Variants in KCNC1 observed in about 807,000 individuals in gnomAD.
KCNC1 encodes the protein voltage-gated potassium channel KCNC1.
KCNC1 carries 8 observed loss-of-function variants against 43.4 expected under a neutral mutation model. That is an observed-to-expected ratio of 0.18 (90% confidence interval 0.11 to 0.33). KCNC1 has a LOEUF of 0.33. Among genes scored for constraint, KCNC1 ranks in the 10% least tolerant of loss-of-function variants. The pLI, the probability that KCNC1 is intolerant of heterozygous loss-of-function variation, is 1.00. For synonymous variants in KCNC1, 361 were observed against 360.5 expected (o/e 1.00, Z -0.01); for missense variants, 420 against 836.0 (o/e 0.50, Z 6.14).
At chr11:17,738,736 GA>G (rs1848799111) in intron 1 of KCNC1, among the ~76,000 whole-genome samples, 1 of 152,176 alleles carries the variant, frequency 6.6e-6, no homozygotes, top group Non-Finnish European at 1.5e-5. Context: ...GAAAAGTCTT[GA>G]AAAAAATCTC....
intron 1 of KCNC1, among the ~76,000 whole-genome samples, chr11:17,750,531 A>T (rs1848955538): frequency 6.6e-6 from 1 of 152,136 alleles, no homozygotes; most frequent in Non-Finnish European, 1.5e-5. Context: ...AAAGCCTGGA[A>T]TGTAGGAATC....
chr11:17,773,431 T>G lies in KCNC1; in HGVS notation c.1504+833T>G. On this transcript the variant is annotated intron_variant, in intron 2 of 3. Transcript: ENST00000265969. This position sits in a 1 kb window ranked among gnomAD's most constrained non-coding sequence, Gnocchi z 4.1. The stretch of plus-strand genomic sequence containing the variant: ...GGGCCACCACCCTGGGCAGCTTAGA[T>G]GAAAGCGCTACAGACCAGCAACAGC... 1.0e-6 allele frequency: 1 copy of G among 984,870 alleles called. No individual in the cohort carries two copies. Among genetic ancestry groups the G allele is most frequent in the Non-Finnish European group, 1.2e-6 (1 of 829,856 alleles). 61.0% of individuals were successfully genotyped at this position (984,870 alleles called of 1,614,324 possible).
chr11:17,763,673 C>T (rs1849107307), intron 1 of KCNC1, among the ~76,000 whole-genome samples: 1 of 114,110 alleles, frequency 8.8e-6, no homozygotes, highest in Non-Finnish European at 1.7e-5. Flanking sequence ...AACACACAGA[C>T]CCCCACACAT....
In KCNC1 at chr11:17,744,181, G is replaced by A. The variant is rs138020801; in HGVS notation, c.570+7609G>A. Among the ~76,000 whole-genome samples, 24 of 152,272 alleles carry A rather than the reference G, an allele frequency of 1.6e-4. No individual in the cohort carries two copies. The East Asian group carries it at 4.5e-3, about 28-fold the overall frequency. ...GTTTTTCCACCTGTAAAATACAGAG[G>A]TCGTGCTAACTGACGGCTAAGGCTC... is the stretch of plus-strand genomic sequence containing the variant. On this transcript the variant is annotated intron_variant, in intron 1 of 3. Coordinates refer to ENST00000265969, the MANE Select transcript of KCNC1 (RefSeq NM_001112741.2).
At chr11:17,751,863 G>A (rs1054470160) in intron 1 of KCNC1, among the ~76,000 whole-genome samples, 21 of 152,168 alleles carry the variant, frequency 1.4e-4, no homozygotes, top group Admixed American at 9.8e-4. Flanking sequence ...AGTCTGCTCC[G>A]GAGTAGGGAG....
At chr11:17,755,939 G>A (rs918055764) in intron 1 of KCNC1, among the ~76,000 whole-genome samples, 11 of 152,132 alleles carry the variant, frequency 7.2e-5, no homozygotes, top group African/African-American at 2.4e-4. Flanking sequence ...AGGGTGCCCC[G>A]ATAGAGACTG....
intron 1 of KCNC1, among the ~76,000 whole-genome samples, chr11:17,752,718 C>G (rs1051527207): frequency 3.7e-4 from 56 of 152,230 alleles, no homozygotes; most frequent in Non-Finnish European, 8.8e-5. Context: ...CCATGGACAA[C>G]TTAACCTCTC....
At chr11:17,747,202 G>A (rs1322782568) in intron 1 of KCNC1, among the ~76,000 whole-genome samples, 1 of 152,136 alleles carries the variant, frequency 6.6e-6, no homozygotes, top group Non-Finnish European at 1.5e-5. Context: ...GGCAGGCATG[G>A]ATTCTTGCTT....
chr11:17,769,740 C>T (rs1282128319), intron 1 of KCNC1, among the ~76,000 whole-genome samples: 1 of 151,766 alleles, frequency 6.6e-6, no homozygotes, highest in Non-Finnish European at 1.5e-5. Flanking sequence ...GAAGGAGGGA[C>T]AGATGGATGG....
Position 17,776,001 on chromosome 11 carries a change from C to T in KCNC1, c.1504+3403C>T. 1 of 985,400 alleles carries T rather than the reference C, an allele frequency of 1.0e-6. No homozygotes were observed. The highest frequency in any genetic ancestry group is 1.2e-6 in the Non-Finnish European group (1 of 829,930). 61.0% of individuals were successfully genotyped at this position (985,400 alleles called of 1,614,324 possible). On this transcript the variant is annotated intron_variant, in intron 2 of 3. Coordinates refer to ENST00000265969, the MANE Select transcript of KCNC1 (RefSeq NM_001112741.2). This position sits in a 1 kb window ranked among gnomAD's most constrained non-coding sequence, Gnocchi z 4.4. Reference sequence around the variant, plus strand: ...TCCATGGAGGGGGGAGGGAGCTGGGCAGCGCTGACTAGGCGGCGGGTGGGG... The same window carrying T: ...TCCATGGAGGGGGGAGGGAGCTGGGTAGCGCTGACTAGGCGGCGGGTGGGG...
chr11:17,750,820 C>T (rs16934703), intron 1 of KCNC1, among the ~76,000 whole-genome samples: 8,491 of 152,200 alleles, frequency 0.056, 685 homozygotes, highest in African/African-American at 0.18. Context: ...GAGCCTTTCC[C>T]GACACCCTCT....
chr11:17,774,730 TA>T (rs1849266392), intron 2 of KCNC1: 1 of 985,206 alleles, frequency 1.0e-6, no homozygotes, highest in African/African-American at 1.7e-5. Flanking sequence ...GCTGAGGAAG[TA>T]TTTGGGGCCC....
chr11:17,772,669 C>G (rs1849243817), intron 2 of KCNC1, 71 bp downstream of exon 2: 1 of 1,562,964 alleles, frequency 6.4e-7, no homozygotes, highest in South Asian at 1.2e-5. Flanking sequence ...ATTCCAGATC[C>G]AGTCAGACTG....
chr11:17,774,064 C>T (rs1849259785), intron 2 of KCNC1: 2 of 985,536 alleles, frequency 2.0e-6, no homozygotes, highest in Non-Finnish European at 2.4e-6. Context: ...GGCCCGAGCA[C>T]TACCCTCAAG....
intron 2 of KCNC1, chr11:17,774,434 G>A: frequency 1.0e-6 from 1 of 985,572 alleles, no homozygotes; most frequent in African/African-American, 1.7e-5. Context: ...GGGCCAGCCA[G>A]TCAAGAATCC....
chr11:17,761,845 C>T (rs946640784), intron 1 of KCNC1, among the ~76,000 whole-genome samples: 12 of 152,150 alleles, frequency 7.9e-5, no homozygotes, highest in African/African-American at 2.4e-4. Context: ...CTGGGCTCTG[C>T]GCTTGGATCT....
chr11:17,754,199 C>T lies in KCNC1; in HGVS notation c.571-17466C>T, dbSNP rs1848999254. Among the ~76,000 whole-genome samples the T allele has an allele frequency of 2.6e-5, 4 of 152,118 alleles. No individual in the cohort carries two copies. The South Asian group carries it at 8.3e-4, about 32-fold the overall frequency. ...TTGCCAGTGTAGATACGGCTCTGCT[C>T]TCAATCACTGTGCCCACTGCCAGTG... On this transcript the variant is annotated intron_variant, in intron 1 of 3. Transcript: ENST00000265969.
At chr11:17,768,660 T>G (rs1849185550) in intron 1 of KCNC1, among the ~76,000 whole-genome samples, 7 of 140,576 alleles carry the variant, frequency 5.0e-5, no homozygotes, top group Admixed American at 1.5e-4. Context: ...GATGGGGCAG[T>G]GAGGAGGGGA....
At chr11:17,770,935 A>G (rs1849218237) in intron 1 of KCNC1, among the ~76,000 whole-genome samples, 1 of 152,208 alleles carries the variant, frequency 6.6e-6, no homozygotes, top group Admixed American at 6.5e-5. Flanking sequence ...CTCTCACAAA[A>G]GATCATTCAG....
Sources: allele counts gnomAD v4.1 joint callset (sites outside exome capture counted in the v4.1 genomes callset), GRCh38; gene constraint gnomAD v4.1.1; non-coding constraint Gnocchi (gnomAD v3.1); transcripts MANE v1.5; gene names NCBI Gene and HGNC (gene_info 2026-07-23, HGNC 2026-07-21).